Variants in CAST observed in about 807,000 individuals in gnomAD.
CAST encodes MIR583 host.
Under a neutral mutation model 119.6 loss-of-function variants are expected in CAST, and 76 were observed. The ratio of observed to expected loss-of-function variants is 0.64; its 90% confidence interval spans 0.53 to 0.77. The LOEUF (loss-of-function observed/expected upper bound fraction) is 0.77. CAST is among the 30% of genes least tolerant of loss of function. The pLI is 0.00. For synonymous variants in CAST, 319 were observed against 331.6 expected, an observed-to-expected ratio of 0.96 and a Z score of 0.41; for missense variants, 953 against 946.5, an observed-to-expected ratio of 1.01 and a Z score of -0.09.
the CAST span, among the ~76,000 whole-genome samples, chr5:96,347,300 G>A: frequency 6.6e-6 from 1 of 152,128 alleles, no homozygotes; most frequent in African/African-American, 2.4e-5. Context: ...CCATGAACCT[G>A]TTTCTACTCC....
chr5:96,597,943 G>C (rs1192264143), intron 1 of CAST, among the ~76,000 whole-genome samples: 2 of 151,548 alleles, frequency 1.3e-5, no homozygotes, highest in Admixed American at 1.3e-4. Flanking sequence ...AAAGAAGGGG[G>C]GAGGGGGAGA....
the CAST span, chr5:96,423,223 G>A: frequency 7.9e-7 from 1 of 1,272,886 alleles, no homozygotes; most frequent in Non-Finnish European, 1.1e-6. Context: ...TGACACCAGA[G>A]CAGCATCCCC....
the CAST span, among the ~76,000 whole-genome samples, chr5:96,073,379 A>G: frequency 9.7e-4 from 147 of 152,306 alleles, no homozygotes; most frequent in Middle Eastern, 3.4e-3. Flanking sequence ...CACTTTTTCT[A>G]TTTGAAAATG....
intron 29 of CAST, 122 bp from the exon 30 acceptor site, chr5:96,770,409 G>C (rs1771853561): frequency 3.1e-6 from 2 of 636,464 alleles, no homozygotes; most frequent in Non-Finnish European, 5.7e-6. Context: ...AACACCCAAA[G>C]TCTTCCATTA....
chr5:96,421,565 G>A, the CAST span, among the ~76,000 whole-genome samples: 9 of 152,182 alleles, frequency 5.9e-5, no homozygotes, highest in Non-Finnish European at 1.2e-4. Flanking sequence ...AGGAATTGAG[G>A]GGAGGGATGG....
At chr5:96,157,501 T>TC in the CAST span, among the ~76,000 whole-genome samples, 1 of 152,224 alleles carries the variant, frequency 6.6e-6, no homozygotes, top group Non-Finnish European at 1.5e-5. Context: ...AGGTGTGGTG[T>TC]CCTTACTATC....
chr5:96,522,535 C>T (rs1041442691), upstream of CAST, among the ~76,000 whole-genome samples: 18 of 152,290 alleles, frequency 1.2e-4, no homozygotes, highest in Admixed American at 1.0e-3. Context: ...AAACAATAGT[C>T]ATCTGTAAAG....
the CAST span, chr5:95,972,912 C>G: frequency 6.6e-6 from 1 of 152,136 alleles, no homozygotes; most frequent in Non-Finnish European, 1.5e-5. Flanking sequence ...CTTTACGAAC[C>G]GAAGGGATGA....
chr5:96,044,381 AT>A, the CAST span, among the ~76,000 whole-genome samples: 1 of 152,230 alleles, frequency 6.6e-6, no homozygotes, highest in South Asian at 2.1e-4. Context: ...CCCTTCCACC[AT>A]ATAAAGACAC....
chr5:96,730,915 T>A, intron 9 of CAST, 55 bp downstream of exon 9: 1 of 1,314,130 alleles, frequency 7.6e-7, no homozygotes, highest in Non-Finnish European at 1.1e-6. Context: ...CAAGTTTCTT[T>A]TATGAGAAAC....
chr5:96,448,236 A>G, the CAST span, among the ~76,000 whole-genome samples: 2 of 152,222 alleles, frequency 1.3e-5, no homozygotes, highest in South Asian at 4.1e-4. Flanking sequence ...TTTGACTCCA[A>G]ATGGAACAGG....
At chr5:96,145,379 C>T in the CAST span, among the ~76,000 whole-genome samples, 4 of 152,118 alleles carry the variant, frequency 2.6e-5, no homozygotes, top group Admixed American at 6.5e-5. Context: ...AATTCTCTGA[C>T]GAGATTATGA....
intron 1 of CAST, among the ~76,000 whole-genome samples, chr5:96,586,155 G>T (rs369983080): frequency 6.6e-6 from 1 of 152,126 alleles, no homozygotes; most frequent in Non-Finnish European, 1.5e-5. Context: ...GGAAGCTGAG[G>T]CTCTATGAAG....
the CAST span, among the ~76,000 whole-genome samples, chr5:95,964,730 A>T: frequency 2.0e-4 from 31 of 152,340 alleles, no homozygotes; most frequent in Admixed American, 3.3e-4. Flanking sequence ...CCATTTATTT[A>T]AAAGCAACCT....
At chr5:96,391,558 G>A in the CAST span, 30 of 152,362 alleles carry the variant, frequency 2.0e-4, no homozygotes, top group East Asian at 5.4e-3. Context: ...GAAGATGCGG[G>A]TAGTTTGTTT....
chr5:96,266,309 G>A, the CAST span, among the ~76,000 whole-genome samples: 336 of 152,278 alleles, frequency 2.2e-3, 6 homozygotes, highest in African/African-American at 7.7e-3. Flanking sequence ...GATCATAGGG[G>A]ATAACCAGCT....
chr5:96,657,268 G>A (rs576077047), upstream of CAST, among the ~76,000 whole-genome samples: 5 of 152,256 alleles, frequency 3.3e-5, no homozygotes, highest in African/African-American at 9.6e-5. Context: ...GAAGCCTGGG[G>A]TGAGTCACCA....
chr5:96,662,613 C>T, intron 1 of CAST, 116 bp downstream of exon 1: 11 of 1,242,906 alleles, frequency 8.9e-6, no homozygotes, highest in African/African-American at 1.6e-5. Context: ...CCCGGCGCCC[C>T]CGCGGGGCAG....
At chr5:96,026,922 G>C in the CAST span, among the ~76,000 whole-genome samples, 1 of 152,088 alleles carries the variant, frequency 6.6e-6, no homozygotes, top group Non-Finnish European at 1.5e-5. Flanking sequence ...AAATTTGTAT[G>C]CATCTGCTGG....
Sources: allele counts gnomAD v4.1 joint callset (sites outside exome capture counted in the v4.1 genomes callset), GRCh38; gene constraint gnomAD v4.1.1; transcripts MANE v1.5; gene names NCBI Gene and HGNC (gene_info 2026-07-23, HGNC 2026-07-21).